Variants in STAT5A observed in about 807,000 individuals in gnomAD.
The protein encoded by STAT5A is signal transducer and activator of transcription 5A.
In STAT5A, 26 loss-of-function variants were observed where a neutral mutation model predicts 100.2. The observed-to-expected ratio is 0.26, with a 90% confidence interval of 0.19 to 0.36. The LOEUF (loss-of-function observed/expected upper bound fraction) is 0.36. STAT5A is among the 10% of genes least tolerant of loss of function. The pLI is 1.00. For synonymous variants in STAT5A, 330 were observed against 424.3 expected, an observed-to-expected ratio of 0.78 and a Z score of 2.73; for missense variants, 634 against 1,027.5, an observed-to-expected ratio of 0.62 and a Z score of 5.24.
At chr17:42,291,454 C>T (rs1360357427) in intron 3 of STAT5A, among the ~76,000 whole-genome samples, 1 of 152,138 alleles carries the variant, frequency 6.6e-6, no homozygotes, top group East Asian at 1.9e-4. Context: ...TGATGGCTCA[C>T]ACCTGTAATC....
intron 17 of STAT5A, 81 bp from the exon 18 acceptor site, chr17:42,309,296 A>C (rs1310512281): frequency 6.4e-7 from 1 of 1,557,950 alleles, no homozygotes; most frequent in Non-Finnish European, 8.8e-7. Context: ...CGAGAAAGAC[A>C]AACATGCCCC....
intron 3 of STAT5A, 137 bp downstream of exon 3, chr17:42,290,159 C>T (rs1287829662): frequency 1.6e-6 from 2 of 1,219,908 alleles, no homozygotes; most frequent in Non-Finnish European, 2.2e-6. Flanking sequence ...CTTCGATTTC[C>T]CCCACCCCCT....
chr17:42,288,519 C>A lies in STAT5A; in HGVS notation c.-90C>A. On this transcript the variant is annotated 5_prime_UTR_variant, in exon 1 of 19. Coordinates refer to ENST00000590949, the MANE Select transcript of STAT5A (RefSeq NM_001288718.2). The surrounding 1 kb of genome is among the most constrained non-coding windows in gnomAD (Gnocchi z 4.8). ...CTGTAGTAACAGCCGCCGCTGCCGC[C>A]GCCGCCAGGAACCCCGGCCGGGAGC... is the stretch of plus-strand genomic sequence containing the variant. 1 of 153,810 alleles carries A rather than the reference C, an allele frequency of 6.5e-6. No individual in the cohort carries two copies. Among genetic ancestry groups the A allele is most frequent in the South Asian group, 1.8e-4 (1 of 5,452 alleles). The allele number at this position is 153,810 out of a possible 1,614,324, so 9.5% of individuals were successfully genotyped here.
Position 42,304,116 on chromosome 17 carries a change from A to T in STAT5A, c.1170-226A>T, listed in dbSNP as rs2081005998. On this transcript the variant is annotated intron_variant, in intron 9 of 18. Transcript: ENST00000590949. This position sits in a 1 kb window ranked among gnomAD's most constrained non-coding sequence, Gnocchi z 4.8. ...CAATCTTGGTATCGAGGAATTTCTA[A>T]TGATAGATCCAGACCTCACCACTGG... is the stretch of plus-strand genomic sequence containing the variant. The T allele has an allele frequency of 1.8e-6, 1 of 545,884 alleles. No individual in the cohort carries two copies. The highest frequency in any genetic ancestry group is 3.3e-6 in the Non-Finnish European group (1 of 304,546). 33.8% of individuals were successfully genotyped at this position (545,884 alleles called of 1,614,324 possible).
In STAT5A at chr17:42,304,447, C is replaced by T; in HGVS notation, c.1257+18C>T. The T allele has an allele frequency of 6.2e-7, 1 of 1,614,214 alleles. No individual in the cohort carries two copies. Among genetic ancestry groups the T allele is most frequent in the Non-Finnish European group, 8.5e-7 (1 of 1,180,022 alleles). ...GGAACATGGTGAGGACGGGGCCCAC[C>T]CTCGGAGGGCAGGTCTGCCCAGAGC... is the stretch of plus-strand genomic sequence containing the variant. On this transcript the variant is annotated intron_variant, in intron 10 of 18. Coordinates refer to ENST00000590949, the MANE Select transcript of STAT5A (RefSeq NM_001288718.2). The surrounding 1 kb of genome is among the most constrained non-coding windows in gnomAD (Gnocchi z 4.8).
intron 4 of STAT5A, among the ~76,000 whole-genome samples, chr17:42,295,044 G>A (rs1291906600): frequency 6.6e-6 from 1 of 152,160 alleles, no homozygotes; most frequent in Non-Finnish European, 1.5e-5. Context: ...TCCAAGGGGA[G>A]CTTGTTGATG....
chr17:42,297,342 G>C (rs2080928582), intron 5 of STAT5A, among the ~76,000 whole-genome samples: 1 of 152,200 alleles, frequency 6.6e-6, no homozygotes, highest in Non-Finnish European at 1.5e-5. Flanking sequence ...GGAAGATTTT[G>C]GGCGGTTATT....
chr17:42,294,059 T>C (rs1223175296), intron 4 of STAT5A, among the ~76,000 whole-genome samples: 1 of 151,786 alleles, frequency 6.6e-6, no homozygotes, highest in Non-Finnish European at 1.5e-5. Flanking sequence ...TACTAAAAAA[T>C]ACAAAAATTA....
At chr17:42,299,975 C>T (rs1278719013) in intron 6 of STAT5A, 94 bp downstream of exon 6, 10 of 1,416,304 alleles carry the variant, frequency 7.1e-6, no homozygotes, top group Non-Finnish European at 9.6e-6. Flanking sequence ...GAGAGCAGAA[C>T]CTGGGAGGGC....
At position 42,304,457 on chromosome 17, in the gene STAT5A, C is replaced by T. The variant is rs1274629209; in HGVS notation, c.1257+28C>T. ...GAGGACGGGGCCCACCCTCGGAGGGCAGGTCTGCCCAGAGCTGAGTCCTTG... is the reference window on the plus strand; with the variant it reads ...GAGGACGGGGCCCACCCTCGGAGGGTAGGTCTGCCCAGAGCTGAGTCCTTG... On this transcript the variant is annotated intron_variant, in intron 10 of 18. Transcript: ENST00000590949. The surrounding 1 kb of genome is among the most constrained non-coding windows in gnomAD (Gnocchi z 4.8). The T allele has an allele frequency of 3.7e-6, 6 of 1,614,204 alleles. No homozygotes were observed. The highest frequency in any genetic ancestry group is 1.7e-5 in the Admixed American group (1 of 60,032).
rs2081052999 is a variant in STAT5A at position 42,308,741 on chromosome 17, AG to A, written c.2063-305del. 2.0e-6 allele frequency: 1 copy of A among 512,768 alleles called. No homozygotes were observed. Among genetic ancestry groups the A allele is most frequent in the African/African-American group, 1.9e-5 (1 of 51,596 alleles). The allele number at this position is 512,768 out of a possible 1,614,324, so 31.8% of individuals were successfully genotyped here. A position where few individuals can be genotyped will look rare whatever the true frequency, so the allele number is the denominator to read the frequency against. Reference sequence around the variant, plus strand: ...AAAAGGGAGAAGTCTCTCTTCTTCCAGCTGCCCCAAATCCATTGGTTGGGTT... The same window carrying A: ...AAAAGGGAGAAGTCTCTCTTCTTCCACTGCCCCAAATCCATTGGTTGGGTT... On this transcript the variant is annotated intron_variant, in intron 16 of 18. Coordinates refer to ENST00000590949, the MANE Select transcript of STAT5A (RefSeq NM_001288718.2). The surrounding 1 kb of genome is among the most constrained non-coding windows in gnomAD (Gnocchi z 4.6).
chr17:42,308,298 A>G lies in STAT5A; in HGVS notation c.2027A>G (p.Asp676Gly). The G allele has an allele frequency of 6.2e-7, 1 of 1,614,138 alleles. No individual in the cohort carries two copies. The highest frequency in any genetic ancestry group is 8.5e-7 in the Non-Finnish European group (1 of 1,180,014). Residue 676 changes from aspartate to glycine, a missense_variant, in exon 16 of 19, where the codon GAT (aspartate) becomes GGT (glycine). Coordinates refer to ENST00000590949, the MANE Select transcript of STAT5A (RefSeq NM_001288718.2). This position sits in a 1 kb window ranked among gnomAD's most constrained non-coding sequence, Gnocchi z 4.6. ...TATGTGTTTCCTGACCGCCCCAAGG[A>G]TGAGGTCTTCTCCAAGTACTACACT... ...LIYVFPDRPK[D>G]EVFSKYYTPV...
rs1253423592 is a variant in STAT5A at position 42,311,797 on chromosome 17, G to A, written c.*1128G>A. ...CTGAGGCTGTAGGACTCGCAGTCAG[G>A]GGCAGCTGACCATGGAAGATTGAGA... is the stretch of plus-strand genomic sequence containing the variant. On this transcript the variant is annotated 3_prime_UTR_variant, in exon 19 of 19. Coordinates refer to ENST00000590949, the MANE Select transcript of STAT5A (RefSeq NM_001288718.2). 2.0e-5 allele frequency: 3 copies of A among 152,748 alleles called. No individual in the cohort carries two copies. Among genetic ancestry groups the A allele is most frequent in the Non-Finnish European group, 4.4e-5 (3 of 68,068 alleles). 9.5% of individuals were successfully genotyped at this position (152,748 alleles called of 1,614,324 possible).
chr17:42,291,149 GC>G (rs2080864647), intron 3 of STAT5A, among the ~76,000 whole-genome samples: 1 of 152,194 alleles, frequency 6.6e-6, no homozygotes, highest in Admixed American at 6.5e-5. Context: ...CTTAAGAAGT[GC>G]ATAACCTAGA....
intron 15 of STAT5A, 79 bp downstream of exon 15, chr17:42,307,802 G>C: frequency 6.4e-7 from 1 of 1,569,566 alleles, no homozygotes; most frequent in South Asian, 1.2e-5. Context: ...ACCCTCCATC[G>C]GGCCTGTGTC....
chr17:42,294,995 T>C (rs1217526322), intron 4 of STAT5A, among the ~76,000 whole-genome samples: 1 of 152,044 alleles, frequency 6.6e-6, no homozygotes, highest in Non-Finnish European at 1.5e-5. Context: ...CCTCCTGGGT[T>C]CAAGCGATTC....
intron 1 of STAT5A, among the ~76,000 whole-genome samples, chr17:42,289,039 G>A (rs1470156449): frequency 6.6e-6 from 1 of 152,248 alleles, no homozygotes; most frequent in South Asian, 2.1e-4. Flanking sequence ...CCCGAGGTGG[G>A]CTGGGGGATC....
chr17:42,306,345 C>T lies in STAT5A; in HGVS notation c.1578C>T (p.Thr526=), dbSNP rs756921439. 1.9e-6 allele frequency: 3 copies of T among 1,614,114 alleles called. No homozygotes were observed. The highest frequency in any genetic ancestry group is 2.5e-6 in the Non-Finnish European group (3 of 1,179,980). ...AAGTGCAGAGCAACCGGGGCCTGAC[C>T]AAGGAGAACCTCGTGTTCCTGGCGC... ...KAEVQSNRGL[T]KENLVFLAQK... Residue 526 remains threonine, a synonymous_variant, in exon 13 of 19, where the codon ACC becomes ACT. Transcript: ENST00000590949.
intron 9 of STAT5A, 91 bp downstream of exon 9, chr17:42,301,545 C>T: frequency 6.5e-7 from 1 of 1,536,398 alleles, no homozygotes; most frequent in South Asian, 1.2e-5. Flanking sequence ...TGTCTTGTCC[C>T]CTAGTTCACC....
Sources: gnomAD v4.1 joint callset for allele counts (sites outside exome capture counted in the v4.1 genomes callset) on GRCh38, gnomAD v4.1.1 for gene constraint, Gnocchi (gnomAD v3.1) non-coding constraint, MANE v1.5 for transcripts, NCBI Gene and HGNC (gene_info 2026-07-23, HGNC 2026-07-21) for gene names.